NAA25: variants seen among roughly 807,000 people sequenced by gnomAD.
NAA25 encodes the protein N-terminal acetyltransferase B complex subunit NAA25.
A neutral mutation model predicts 132.5 loss-of-function variants in NAA25; 30 were observed. The observed-to-expected ratio is 0.23, with a 90% CI of 0.17 to 0.31. The LOEUF is 0.31. Ranked by LOEUF, NAA25 falls within the 10% of genes least tolerant of loss-of-function variation. The pLI is 1.00. For missense variants in NAA25, 771 were observed against 1,150.4 expected, an observed-to-expected ratio of 0.67 and a Z score of 4.77; for synonymous variants, 359 against 401.9, an observed-to-expected ratio of 0.89 and a Z score of 1.28.
chr12:112,055,910 G>C (rs2078537361), intron 13 of NAA25, among the ~76,000 whole-genome samples: 1 of 152,142 alleles, frequency 6.6e-6, no homozygotes, highest in Admixed American at 6.6e-5. Flanking sequence ...CAGAAGAAAA[G>C]AAAGATAGGC....
At chr12:112,047,246 T>C (rs78901741) in intron 17 of NAA25, among the ~76,000 whole-genome samples, 2 of 151,394 alleles carry the variant, frequency 1.3e-5, no homozygotes, top group Non-Finnish European at 2.9e-5. Context: ...TTTTTTTTTT[T>C]TGGAGATGGA....
chr12:112,043,263 C>T (rs1437736907), intron 18 of NAA25, 52 bp from the exon 19 acceptor site: 6 of 1,513,014 alleles, frequency 4.0e-6, no homozygotes. Flanking sequence ...TAAATGCATA[C>T]AAAATAAGAA....
chr12:112,068,771 T>G, intron 11 of NAA25, 109 bp downstream of exon 11: 1 of 630,984 alleles, frequency 1.6e-6, no homozygotes, highest in Non-Finnish European at 2.8e-6. Context: ...TATCATTGTA[T>G]CTCATGATTA....
At chr12:112,051,012 A>G (rs945717258) in intron 15 of NAA25, among the ~76,000 whole-genome samples, 2 of 152,200 alleles carry the variant, frequency 1.3e-5, no homozygotes. Flanking sequence ...AAAAACTACC[A>G]AGAATAAAAG....
intron 20 of NAA25, 22 bp downstream of exon 20, chr12:112,042,017 A>C: frequency 7.3e-7 from 1 of 1,369,456 alleles, no homozygotes; most frequent in Non-Finnish European, 9.9e-7. Context: ...CAAATACAGG[A>C]ATCTACAGTA....
At chr12:112,036,867 CTGTG>C (rs1259222320) in intron 22 of NAA25, among the ~76,000 whole-genome samples, 1 of 150,100 alleles carries the variant, frequency 6.7e-6, no homozygotes, top group Non-Finnish European at 1.5e-5. Context: ...GTACGTAAAA[CTGTG>C]TGTGCGTGTG....
chr12:112,072,225 CATGTT>C (rs1339552671), intron 9 of NAA25, among the ~76,000 whole-genome samples, 161 bp from the exon 10 acceptor site: 15 of 152,086 alleles, frequency 9.9e-5, no homozygotes, highest in African/African-American at 3.4e-4. Context: ...TAACAGATAA[CATGTT>C]ATAAGATTAC....
At chr12:112,101,868 C>CT (rs112312296) in intron 1 of NAA25, among the ~76,000 whole-genome samples, 2,462 of 142,208 alleles carry the variant, frequency 0.017, 64 homozygotes, top group African/African-American at 0.052. Flanking sequence ...ATCTTTTCAA[C>CT]TTTTTTTTTT....
At position 112,072,075 on chromosome 12, in the gene NAA25, G is replaced by A; in HGVS notation, c.867-11C>T. On this transcript the variant is annotated splice_polypyrimidine_tract_variant and intron_variant, in intron 9 of 23. Coordinates refer to ENST00000261745, the MANE Select transcript of NAA25 (RefSeq NM_024953.4). Reference sequence around the variant, plus strand: ...TCTCCTTCTAAAGAGCTGAGGAAAAGCACATGAAAAAGGAATTTTATTGCC... The same window carrying A: ...TCTCCTTCTAAAGAGCTGAGGAAAAACACATGAAAAAGGAATTTTATTGCC... The A allele has an allele frequency of 6.3e-7, 1 of 1,592,922 alleles. No individual in the cohort carries two copies.
At chr12:112,046,413 A>G (rs1270405893) in intron 17 of NAA25, among the ~76,000 whole-genome samples, 2 of 152,208 alleles carry the variant, frequency 1.3e-5, no homozygotes, top group Non-Finnish European at 2.9e-5. Flanking sequence ...ACTGTAATAA[A>G]CCTTAGCCGT....
chr12:112,033,184 G>GTGTT (rs759958743), intron 23 of NAA25, 49 bp downstream of exon 23: 1 of 1,524,852 alleles, frequency 6.6e-7, no homozygotes. Context: ...GAGAGACAGA[G>GTGTT]TGTTTGTGTG....
chr12:112,047,252 A>C (rs2078399290), intron 17 of NAA25, among the ~76,000 whole-genome samples: 1 of 110,240 alleles, frequency 9.1e-6, no homozygotes. Context: ...TTTTTTGGAG[A>C]TGGAGTTTTG....
At chr12:112,099,310 G>C (rs1478166775) in intron 1 of NAA25, among the ~76,000 whole-genome samples, 3 of 151,576 alleles carry the variant, frequency 2.0e-5, no homozygotes, top group Non-Finnish European at 4.4e-5. Flanking sequence ...CAGAAGGAAG[G>C]AATAGGTCCT....
intron 13 of NAA25, among the ~76,000 whole-genome samples, chr12:112,059,623 T>C (rs1375736021): frequency 1.3e-5 from 2 of 152,182 alleles, no homozygotes; most frequent in South Asian, 2.1e-4. Context: ...TTGAAGTGAA[T>C]AAAAGATATT....
chr12:112,061,307 G>C lies in NAA25; in HGVS notation c.1231C>G (p.Leu411Val). The C allele has an allele frequency of 6.2e-7, 1 of 1,614,168 alleles. No homozygotes were observed. Among genetic ancestry groups the C allele is most frequent in the Non-Finnish European group, 8.5e-7 (1 of 1,180,018 alleles). The change falls in exon 12 of 24, where the codon CTG (leucine) becomes GTG (valine). Residue 411 changes from leucine to valine, a missense_variant. Leu to Val is a conservative substitution (Grantham distance 32). Transcript: ENST00000261745. ...TGCACCACACACAAATGTTGCTGCA[G>C]AGCTCTGATGTCAGCAGGCAGTGCC... is the stretch of plus-strand genomic sequence containing the variant. ...KLALPADIRA[L>V]QQHLCVVQLT...
Position 112,040,462 on chromosome 12 carries a change from G to A in NAA25, c.2538+19C>T, listed in dbSNP as rs761532934. The A allele has an allele frequency of 1.5e-5, 22 of 1,426,018 alleles. No homozygotes were observed. Among genetic ancestry groups the A allele is most frequent in the South Asian group, 1.4e-4 (12 of 84,408 alleles). 88.3% of individuals were successfully genotyped at this position (1,426,018 alleles called of 1,614,324 possible). A position where few individuals can be genotyped will look rare whatever the true frequency, so the allele number is the denominator to read the frequency against. On this transcript the variant is annotated intron_variant, in intron 21 of 23. Transcript: ENST00000261745. ...CATTAAGAACAACAATGTCTTTTAGGAAGAGAACAAAAACTTACCTCAACA... is the reference window on the plus strand; with the variant it reads ...CATTAAGAACAACAATGTCTTTTAGAAAGAGAACAAAAACTTACCTCAACA...
intron 1 of NAA25, among the ~76,000 whole-genome samples, chr12:112,105,488 T>C (rs1351118179): frequency 2.6e-5 from 4 of 152,154 alleles, no homozygotes; most frequent in South Asian, 2.1e-4. Flanking sequence ...CCCAAACTTA[T>C]TAGTAATGTG....
At chr12:112,037,405 AAGAC>A (rs1036080254) in intron 22 of NAA25, among the ~76,000 whole-genome samples, 2 of 144,004 alleles carry the variant, frequency 1.4e-5, no homozygotes, top group African/African-American at 2.5e-5. Context: ...TAAATGATAA[AAGAC>A]AGAATTTTTA....
At chr12:112,107,130 T>C (rs958492455) in intron 1 of NAA25, among the ~76,000 whole-genome samples, 1 of 150,442 alleles carries the variant, frequency 6.6e-6, no homozygotes, top group African/African-American at 2.5e-5. Flanking sequence ...CCTGGTGGCG[T>C]GCAACTGTAA....
Sources: allele counts gnomAD v4.1 joint callset (sites outside exome capture counted in the v4.1 genomes callset), GRCh38; gene constraint gnomAD v4.1.1; transcripts MANE v1.5; gene names NCBI Gene and HGNC (gene_info 2026-07-23, HGNC 2026-07-21).